Variants in STPG2 observed in about 807,000 individuals in gnomAD.
STPG2 encodes the protein sperm-tail PG-rich repeat-containing protein 2.
Under a neutral mutation model 54.2 loss-of-function variants are expected in STPG2, and 56 were observed. The observed-to-expected ratio is 1.03, with a 90% CI of 0.83 to 1.29. STPG2 has a LOEUF of 1.29. STPG2 is among the 50% of genes most tolerant of loss of function. The pLI is 0.00. For missense variants in STPG2, 596 were observed against 544.9 expected (o/e 1.09, Z -0.93); for synonymous variants, 200 against 181.8 (o/e 1.10, Z -0.81).
At chr4:97,862,096 C>CCCAAT (rs1193057822) in intron 8 of STPG2, among the ~76,000 whole-genome samples, 5 of 151,948 alleles carry the variant, frequency 3.3e-5, no homozygotes, top group African/African-American at 1.2e-4. Flanking sequence ...TGTAAATGGG[C>CCCAAT]TAAATTACCC....
intron 6 of STPG2, among the ~76,000 whole-genome samples, chr4:97,973,175 G>A (rs529750715): frequency 2.0e-5 from 3 of 152,310 alleles, no homozygotes; most frequent in African/African-American, 7.2e-5. Flanking sequence ...AATGCTGACA[G>A]TGATATGCAC....
intron 10 of STPG2, among the ~76,000 whole-genome samples, chr4:97,570,808 T>C (rs1256828741): frequency 6.6e-6 from 1 of 152,162 alleles, no homozygotes; most frequent in Non-Finnish European, 1.5e-5. Context: ...TTGAAGATGC[T>C]ATGTAAACTG....
intron 10 of STPG2, among the ~76,000 whole-genome samples, chr4:97,699,760 T>C (rs1050129968): frequency 1.3e-5 from 2 of 152,150 alleles, no homozygotes; most frequent in African/African-American, 4.8e-5. Flanking sequence ...GTCTTCTCTT[T>C]CTCTGTCAAC....
chr4:97,595,164 A>G (rs1272684634), intron 10 of STPG2, among the ~76,000 whole-genome samples: 2 of 152,162 alleles, frequency 1.3e-5, no homozygotes, highest in Admixed American at 6.5e-5. Flanking sequence ...TGTTTACTGC[A>G]GCACTATTCA....
chr4:97,998,778 T>A (rs1735321000), intron 5 of STPG2, among the ~76,000 whole-genome samples: 1 of 152,098 alleles, frequency 6.6e-6, no homozygotes, highest in Non-Finnish European at 1.5e-5. Flanking sequence ...GCTAGTTAGG[T>A]AATAATATAC....
chr4:98,133,705 AACTGC>A (rs2110167651), intron 2 of STPG2, among the ~76,000 whole-genome samples: 1 of 152,152 alleles, frequency 6.6e-6, no homozygotes, highest in African/African-American at 2.4e-5. Flanking sequence ...ATACAAATCA[AACTGC>A]AACCTGCATC....
intron 10 of STPG2, among the ~76,000 whole-genome samples, chr4:97,627,703 AT>A (rs2148929785): frequency 1.3e-5 from 2 of 152,284 alleles, no homozygotes; most frequent in East Asian, 3.9e-4. Context: ...TACATAGAGA[AT>A]TTTGGCATTA....
intron 7 of STPG2, among the ~76,000 whole-genome samples, chr4:97,949,687 T>C (rs1311388330): frequency 1.3e-5 from 2 of 152,188 alleles, no homozygotes; most frequent in Non-Finnish European, 2.9e-5. Flanking sequence ...GGTTATCCTA[T>C]TTAAAGAGGC....
chr4:97,799,651 A>C (rs1727315937), intron 9 of STPG2, among the ~76,000 whole-genome samples: 1 of 152,036 alleles, frequency 6.6e-6, no homozygotes, highest in African/African-American at 2.4e-5. Flanking sequence ...GAAACTGACA[A>C]TTATGTGTCT....
At chr4:98,043,931 A>T (rs1737040359) in intron 5 of STPG2, among the ~76,000 whole-genome samples, 1 of 151,654 alleles carries the variant, frequency 6.6e-6, no homozygotes, top group Admixed American at 6.6e-5. Context: ...CCCCACCTCC[A>T]CCCTCAAGTA....
intron 9 of STPG2, among the ~76,000 whole-genome samples, chr4:97,836,351 C>T (rs930234427): frequency 6.6e-5 from 10 of 151,836 alleles, no homozygotes; most frequent in African/African-American, 1.9e-4. Flanking sequence ...TCACTGAAAG[C>T]TCAAATGATT....
intron 7 of STPG2, among the ~76,000 whole-genome samples, chr4:97,971,379 A>G (rs1734319285): frequency 6.6e-6 from 1 of 152,176 alleles, no homozygotes; most frequent in Non-Finnish European, 1.5e-5. Flanking sequence ...ACTATTCACA[A>G]TAGCAAAGAC....
intron 7 of STPG2, among the ~76,000 whole-genome samples, chr4:97,946,499 G>A (rs1029991744): frequency 1.1e-4 from 16 of 152,014 alleles, no homozygotes; most frequent in Admixed American, 6.6e-4. Flanking sequence ...TTTTTCTTAC[G>A]TTATCTTCTA....
rs148973641 is a variant in STPG2, at chr4:97,697,701, G to A, written c.1320+14998C>T. ...ATCCCTGCAGCACTGTGATATGCTC[G>A]TGATGGCTATGACACCCATGCTGAA... On this transcript the variant is annotated intron_variant, in intron 10 of 10. Coordinates refer to ENST00000295268, the MANE Select transcript of STPG2 (RefSeq NM_174952.3). Among the ~76,000 whole-genome samples the A allele has an allele frequency of 6.1e-4, 93 of 152,254 alleles. 2 individuals are homozygous for A. In the East Asian group the frequency reaches 0.011, roughly 17 times the overall value.
chr4:97,574,514 G>T (rs1340951692), intron 10 of STPG2, among the ~76,000 whole-genome samples: 1 of 152,002 alleles, frequency 6.6e-6, no homozygotes, highest in Non-Finnish European at 1.5e-5. Flanking sequence ...ACTCAGCAAG[G>T]CTTGCTTGTT....
chr4:97,647,026 T>C (rs1462694313), intron 10 of STPG2, among the ~76,000 whole-genome samples: 4 of 152,178 alleles, frequency 2.6e-5, no homozygotes, highest in Non-Finnish European at 5.9e-5. Flanking sequence ...TAAATAGCAA[T>C]GGCATGTAAA....
chr4:97,485,182 A>G (rs1041298189), intron 4 of STPG2, among the ~76,000 whole-genome samples: 2 of 151,886 alleles, frequency 1.3e-5, no homozygotes, highest in Non-Finnish European at 2.9e-5. Context: ...CTCCACTTCA[A>G]TGTAGTACTG....
intron 5 of STPG2, among the ~76,000 whole-genome samples, chr4:97,985,196 A>G (rs1483873585): frequency 6.6e-6 from 1 of 152,202 alleles, no homozygotes; most frequent in African/African-American, 2.4e-5. Flanking sequence ...GATGCTAAGT[A>G]TAATGTTTAT....
intron 10 of STPG2, among the ~76,000 whole-genome samples, chr4:97,574,123 C>G (rs989070155): frequency 6.6e-6 from 1 of 152,034 alleles, no homozygotes; most frequent in African/African-American, 2.4e-5. Flanking sequence ...CTACCTATCA[C>G]AGAGTACTTC....
Sources: allele counts gnomAD v4.1 joint callset (sites outside exome capture counted in the v4.1 genomes callset), GRCh38; gene constraint gnomAD v4.1.1; transcripts MANE v1.5; gene names NCBI Gene and HGNC (gene_info 2026-07-23, HGNC 2026-07-21).